The following INPP4A variants were observed in gnomAD, a reference collection of about 807,000 sequenced individuals.
INPP4A encodes the protein inositol polyphosphate-4-phosphatase, type I, 107kD.
A neutral mutation model predicts 119.8 loss-of-function variants in INPP4A; 33 were observed. The ratio of observed to expected loss-of-function variants is 0.28; its 90% CI spans 0.21 to 0.37. INPP4A has a LOEUF of 0.37. INPP4A is among the 10% of genes least tolerant of loss of function. The pLI is 1.00. For missense variants in INPP4A, 956 were observed against 1,289.9 expected (o/e 0.74, Z 3.97); for synonymous variants, 496 against 500.7 (o/e 0.99, Z 0.12).
intron 1 of INPP4A, among the ~76,000 whole-genome samples, chr2:98,464,045 T>A (rs1674206940): frequency 6.6e-6 from 1 of 152,236 alleles, no homozygotes; most frequent in African/African-American, 2.4e-5. Context: ...TGGCTGTTTT[T>A]AGGAAGTGAA....
rs1700131212 is a variant in INPP4A at position 98,588,272 on chromosome 2, T to G, written c.*664T>G. 4.9e-6 allele frequency: 1 copy of G among 205,838 alleles called. No individual in the cohort carries two copies. The highest frequency in any genetic ancestry group is 9.9e-6 in the Non-Finnish European group (1 of 100,786). 12.8% of individuals were successfully genotyped at this position (205,838 alleles called of 1,614,324 possible). A position where few individuals can be genotyped will look rare whatever the true frequency, so the allele number is the denominator to read the frequency against. On this transcript the variant is annotated 3_prime_UTR_variant, in exon 25 of 25. Coordinates refer to ENST00000409851, the MANE Select transcript of INPP4A (RefSeq NM_001134225.2). ...TGGGGCCACTCTTTTTTCTGTCCCT[T>G]ATGAGTTACAGAACAGGGAGTCTGC...
intron 1 of INPP4A, among the ~76,000 whole-genome samples, chr2:98,458,712 AT>A (rs943007536): frequency 7.2e-5 from 11 of 151,868 alleles, no homozygotes; most frequent in Non-Finnish European, 1.2e-4. Flanking sequence ...GATGCTGCAC[AT>A]TTTTTTTCCA....
intron 1 of INPP4A, among the ~76,000 whole-genome samples, chr2:98,457,301 A>G (rs1207709456): frequency 6.6e-6 from 1 of 152,196 alleles, no homozygotes; most frequent in Non-Finnish European, 1.5e-5. Context: ...GTGAGGCTGT[A>G]TTCTCTAGCT....
intron 4 of INPP4A, among the ~76,000 whole-genome samples, chr2:98,526,848 G>A (rs1373938905): frequency 6.6e-6 from 1 of 152,180 alleles, no homozygotes; most frequent in Non-Finnish European, 1.5e-5. Flanking sequence ...TACATGATGA[G>A]AGAAGGATTA....
In INPP4A at chr2:98,552,932, C is replaced by G; in HGVS notation, c.1310C>G (p.Thr437Ser). The stretch of plus-strand genomic sequence containing the variant: ...AGGGCAGCCAAGGACAGGTCTGCCA[C>G]TGGCCTTGAGAGGACACTCGCCATC... Reference protein sequence around the residue: ...LSRAAKDRSATGLERTLAILA... With the variant: ...LSRAAKDRSASGLERTLAILA... Residue 437 changes from threonine to serine, a missense_variant, in exon 14 of 25, where the codon ACT becomes AGT. By Grantham distance (58) the Thr-to-Ser change is moderately conservative. Around this residue, in one of 2 missense-constraint regions of INPP4A, gnomAD observed 652 missense variants for 797.9 expected, o/e 0.82. Coordinates refer to ENST00000409851, the MANE Select transcript of INPP4A (RefSeq NM_001134225.2). 1 of 1,613,424 alleles carries G rather than the reference C, an allele frequency of 6.2e-7. No homozygotes were observed. Among genetic ancestry groups the G allele is most frequent in the Non-Finnish European group, 8.5e-7 (1 of 1,179,636 alleles).
intron 1 of INPP4A, among the ~76,000 whole-genome samples, chr2:98,453,981 C>G (rs1175499715): frequency 1.3e-5 from 2 of 152,150 alleles, no homozygotes; most frequent in Admixed American, 1.3e-4. Context: ...GTGGTGCACA[C>G]CTGTAATCCC....
Position 98,552,817 on chromosome 2 carries a change from A to C in INPP4A, c.1195A>C (p.Ile399Leu). 6.2e-7 allele frequency: 1 copy of C among 1,613,798 alleles called. No homozygotes were observed. The highest frequency in any genetic ancestry group is 8.5e-7 in the Non-Finnish European group (1 of 1,179,744). Reference protein sequence around the residue: ...TSSGCQSIIYIPQDVVRAKEI... With the variant: ...TSSGCQSIIYLPQDVVRAKEI... The stretch of plus-strand genomic sequence containing the variant: ...ATCTGGCTGCCAGTCCATAATCTAC[A>C]TACCCCAGGATGTTGTCAGAGCCAA... The change falls in exon 14 of 25, where the codon ATA becomes CTA. Residue 399 changes from isoleucine (I) to leucine (L), a missense_variant. By Grantham distance (5) the Ile-to-Leu change is conservative (BLOSUM62 2). This residue lies in a region of INPP4A where 652 missense variants were observed against 797.9 expected (regional missense o/e 0.82). Coordinates refer to ENST00000409851, the MANE Select transcript of INPP4A (RefSeq NM_001134225.2).
rs1700280706 is a variant in INPP4A at position 98,589,981 on chromosome 2, T to A, written c.*2373T>A. ...ACAGTTTTGTCCCTACACAATTGTA[T>A]TTGCCAAGCTTAGTGCATTATGATA... On this transcript the variant is annotated 3_prime_UTR_variant, in exon 25 of 25. Coordinates refer to ENST00000409851, the MANE Select transcript of INPP4A (RefSeq NM_001134225.2). 1 of 192,984 alleles carries A rather than the reference T, an allele frequency of 5.2e-6. No individual in the cohort carries two copies. Among genetic ancestry groups the A allele is most frequent in the South Asian group, 1.9e-4 (1 of 5,164 alleles). 12.0% of individuals were successfully genotyped at this position (192,984 alleles called of 1,614,324 possible).
At chr2:98,586,089 C>G (rs1295852438) in intron 24 of INPP4A, among the ~76,000 whole-genome samples, 2 of 151,868 alleles carry the variant, frequency 1.3e-5, no homozygotes, top group African/African-American at 4.9e-5. Flanking sequence ...GTTACTTACT[C>G]CAGGGGGCCT....
chr2:98,488,935 CTGTGTGTGTGTGTGTG>C (rs55758146), intron 1 of INPP4A, among the ~76,000 whole-genome samples: 182 of 126,120 alleles, frequency 1.4e-3, no homozygotes, highest in Middle Eastern at 7.5e-3. Context: ...AGTACATGCA[CTGTGTGTGTGTGTGTG>C]TGTGTGTGTG....
At chr2:98,522,160 G>A (rs1161460370) in intron 4 of INPP4A, among the ~76,000 whole-genome samples, 1 of 151,782 alleles carries the variant, frequency 6.6e-6, no homozygotes, top group Non-Finnish European at 1.5e-5. Flanking sequence ...GATGGTGCGT[G>A]CCTGTAATCC....
intron 1 of INPP4A, among the ~76,000 whole-genome samples, chr2:98,455,051 A>G (rs1271138103): frequency 1.3e-5 from 2 of 152,220 alleles, no homozygotes; most frequent in Admixed American, 1.3e-4. Context: ...AAGAAATGTC[A>G]GGATAGGCTG....
intron 20 of INPP4A, 47 bp from the exon 21 acceptor site, chr2:98,565,982 T>C: frequency 6.4e-7 from 1 of 1,574,730 alleles, no homozygotes; most frequent in Admixed American, 1.8e-5. Flanking sequence ...GCCTGCTCGG[T>C]GGCCCTCTGG....
intron 1 of INPP4A, among the ~76,000 whole-genome samples, chr2:98,448,092 A>C (rs2104396200): frequency 6.6e-6 from 1 of 150,722 alleles, no homozygotes; most frequent in African/African-American, 2.4e-5. Context: ...GCAGTGGCTC[A>C]TGCCTATAAT....
At chr2:98,465,348 G>C (rs765747302) in intron 1 of INPP4A, among the ~76,000 whole-genome samples, 1 of 152,112 alleles carries the variant, frequency 6.6e-6, no homozygotes, top group Non-Finnish European at 1.5e-5. Flanking sequence ...TCTGTCACAC[G>C]GCCCTCTCTT....
intron 13 of INPP4A, among the ~76,000 whole-genome samples, chr2:98,548,148 C>G (rs1248632253): frequency 6.6e-6 from 1 of 152,146 alleles, no homozygotes; most frequent in Non-Finnish European, 1.5e-5. Flanking sequence ...AGAGCGTACC[C>G]TGTGAGAAGT....
chr2:98,480,578 T>C (rs1410769015), intron 1 of INPP4A, among the ~76,000 whole-genome samples: 3 of 152,222 alleles, frequency 2.0e-5, no homozygotes, highest in African/African-American at 7.2e-5. Context: ...GAGTCTGGGC[T>C]CTTTCTCCTA....
intron 13 of INPP4A, among the ~76,000 whole-genome samples, chr2:98,550,032 G>A (rs1693219292): frequency 6.6e-6 from 1 of 152,078 alleles, no homozygotes; most frequent in Non-Finnish European, 1.5e-5. Flanking sequence ...GGAATGGGAG[G>A]GGAGAGGCCT....
intron 24 of INPP4A, among the ~76,000 whole-genome samples, chr2:98,585,720 C>A (rs538528091): frequency 3.5e-4 from 54 of 152,338 alleles, no homozygotes; most frequent in Non-Finnish European, 6.2e-4. Context: ...AAAGTAAATA[C>A]AATTTGATTT....
Sources: gnomAD v4.1 joint callset for allele counts (sites outside exome capture counted in the v4.1 genomes callset) on GRCh38, gnomAD v4.1.1 for gene constraint, gnomAD v4.1.1 regional missense constraint, MANE v1.5 for transcripts, NCBI Gene and HGNC (gene_info 2026-07-23, HGNC 2026-07-21) for gene names.